Variants in RNLS observed in about 807,000 individuals in gnomAD.
The protein encoded by RNLS is renalase, FAD dependent amine oxidase.
In RNLS, 39 loss-of-function variants were observed where a neutral mutation model predicts 39.8. That is an observed-to-expected ratio of 0.98 (90% confidence interval 0.76 to 1.28). RNLS has a LOEUF of 1.28. Ranked by LOEUF, RNLS falls within the 50% of genes most tolerant of loss-of-function variation. The pLI is 0.00. For synonymous variants in RNLS, 147 were observed against 150.7 expected (o/e 0.98, Z 0.18); for missense variants, 410 against 413.3 (o/e 0.99, Z 0.07).
intron 5 of RNLS, among the ~76,000 whole-genome samples, chr10:88,358,964 T>C (rs1849412332): frequency 6.6e-6 from 1 of 152,200 alleles, no homozygotes; most frequent in Non-Finnish European, 1.5e-5. Context: ...TAATTATTGA[T>C]TCAATCAAAC....
At chr10:88,406,907 A>T (rs981992778) in intron 4 of RNLS, among the ~76,000 whole-genome samples, 12 of 152,116 alleles carry the variant, frequency 7.9e-5, no homozygotes, top group African/African-American at 2.9e-4. Flanking sequence ...AGTGACCTGG[A>T]TGAGATTGGA....
At chr10:88,178,546 C>T in the RNLS span, among the ~76,000 whole-genome samples, 173 of 152,270 alleles carry the variant, frequency 1.1e-3, 4 homozygotes, top group East Asian at 0.03. Flanking sequence ...GGGAATCCCT[C>T]TTGACTCTGA....
In RNLS at chr10:88,583,252, C is replaced by T; in HGVS notation, c.-62G>A. On this transcript the variant is annotated 5_prime_UTR_variant, in exon 1 of 7. Transcript: ENST00000331772. ...GGCGGGGCCGTTCGGCCCGGGCTTT[C>T]TGGAAAGGCGGCCGAACCGGCGCTA... The T allele has an allele frequency of 2.5e-6, 4 of 1,596,456 alleles. No individual in the cohort carries two copies. The highest frequency in any genetic ancestry group is 2.6e-6 in the Non-Finnish European group (3 of 1,174,166).
At chr10:88,512,718 A>G (rs1479964542) in intron 4 of RNLS, among the ~76,000 whole-genome samples, 1 of 151,988 alleles carries the variant, frequency 6.6e-6, no homozygotes, top group African/African-American at 2.4e-5. Flanking sequence ...CTTACACTCC[A>G]ACTACTCTAC....
the RNLS span, among the ~76,000 whole-genome samples, chr10:88,264,666 C>T: frequency 1.3e-5 from 2 of 152,104 alleles, no homozygotes; most frequent in Non-Finnish European, 2.9e-5. Context: ...GTCCTTAGCC[C>T]ACTTTTTGAT....
At chr10:88,429,273 T>C (rs989057134) in intron 4 of RNLS, among the ~76,000 whole-genome samples, 12 of 151,922 alleles carry the variant, frequency 7.9e-5, no homozygotes, top group Non-Finnish European at 1.5e-5. Flanking sequence ...CAACATCCTC[T>C]TTACAAAGCT....
rs575536540 is a variant in RNLS, at chr10:88,445,591, T to A, written c.527-82866A>T. The stretch of plus-strand genomic sequence containing the variant: ...CCCATCTCACATGTAGCGACACACA[T>A]AGGCTCAAAATAAAGGGATGGAGGA... On this transcript the variant is annotated intron_variant, in intron 4 of 6. Coordinates refer to ENST00000331772, the MANE Select transcript of RNLS (RefSeq NM_001031709.3). Among the ~76,000 whole-genome samples, 167 of 152,170 alleles carry A rather than the reference T, an allele frequency of 1.1e-3. 1 individual carries two copies. The highest frequency in any genetic ancestry group is 3.9e-3 in the African/African-American group (160 of 41,512).
chr10:88,566,697 C>A (rs557778562), intron 4 of RNLS, among the ~76,000 whole-genome samples: 1 of 152,084 alleles, frequency 6.6e-6, no homozygotes, highest in Admixed American at 6.5e-5. Context: ...ATGCAAAGAT[C>A]AAAGTTGAAA....
At chr10:88,581,106 T>C (rs1049274320) in intron 3 of RNLS, among the ~76,000 whole-genome samples, 1 of 151,902 alleles carries the variant, frequency 6.6e-6, no homozygotes, top group Non-Finnish European at 1.5e-5. Flanking sequence ...GTTAAATAAG[T>C]GATGGTACGC....
At chr10:88,295,927 T>C (rs1844065966) in intron 6 of RNLS, among the ~76,000 whole-genome samples, 1 of 152,186 alleles carries the variant, frequency 6.6e-6, no homozygotes, top group Non-Finnish European at 1.5e-5. Flanking sequence ...AAGCACACAA[T>C]AAAGAATGAA....
At chr10:88,566,175 C>T (rs531095987) in intron 4 of RNLS, among the ~76,000 whole-genome samples, 13 of 151,948 alleles carry the variant, frequency 8.6e-5, no homozygotes, top group Non-Finnish European at 1.6e-4. Context: ...CAAATTATTT[C>T]TGATTCATGA....
intron 4 of RNLS, among the ~76,000 whole-genome samples, chr10:88,501,976 TGTTA>T (rs1361579767): frequency 3.9e-5 from 6 of 152,110 alleles, no homozygotes; most frequent in African/African-American, 1.2e-4. Flanking sequence ...CTGTCTCCTC[TGTTA>T]GTTTACAAGT....
intron 4 of RNLS, among the ~76,000 whole-genome samples, chr10:88,491,089 A>C (rs906959777): frequency 1.1e-4 from 17 of 152,138 alleles, no homozygotes; most frequent in African/African-American, 3.9e-4. Flanking sequence ...GTGGATGACA[A>C]GTCTCATTAT....
chr10:88,564,479 GGA>G (rs1564904631), intron 4 of RNLS, among the ~76,000 whole-genome samples: 1 of 152,214 alleles, frequency 6.6e-6, no homozygotes, highest in Middle Eastern at 3.4e-3. Flanking sequence ...AAAACTAGGA[GGA>G]GAGATTAGGA....
At chr10:88,337,268 C>CTAGTTAGG (rs1847572480) in intron 5 of RNLS, among the ~76,000 whole-genome samples, 1 of 152,142 alleles carries the variant, frequency 6.6e-6, no homozygotes, top group Non-Finnish European at 1.5e-5. Context: ...TACTGACCTC[C>CTAGTTAGG]AGGCTAGTTA....
At chr10:88,468,204 A>C (rs1843320245) in intron 4 of RNLS, among the ~76,000 whole-genome samples, 1 of 152,196 alleles carries the variant, frequency 6.6e-6, no homozygotes, top group Non-Finnish European at 1.5e-5. Context: ...CAGCACTCAC[A>C]AATTAGCAAC....
chr10:88,202,808 G>A, the RNLS span, among the ~76,000 whole-genome samples: 3 of 152,140 alleles, frequency 2.0e-5, no homozygotes, highest in African/African-American at 7.2e-5. Flanking sequence ...GTACACAGCT[G>A]CTACATACAG....
At chr10:88,581,294 GTATA>G (rs61477690) in intron 3 of RNLS, among the ~76,000 whole-genome samples, 42 of 129,862 alleles carry the variant, frequency 3.2e-4, no homozygotes, top group African/African-American at 6.6e-4. Context: ...GTGTGTGTGT[GTATA>G]TATATATATA....
intron 4 of RNLS, among the ~76,000 whole-genome samples, chr10:88,363,695 A>C (rs1221076112): frequency 6.6e-6 from 1 of 152,158 alleles, no homozygotes; most frequent in Non-Finnish European, 1.5e-5. Flanking sequence ...ACTTCTTCAC[A>C]AAAGAAGTTG....
Sources: allele counts gnomAD v4.1 joint callset (sites outside exome capture counted in the v4.1 genomes callset), GRCh38; gene constraint gnomAD v4.1.1; transcripts MANE v1.5; gene names NCBI Gene and HGNC (gene_info 2026-07-23, HGNC 2026-07-21).